MESD: variants seen among roughly 807,000 people sequenced by gnomAD.
The protein encoded by MESD is LRP chaperone MESD.
A neutral mutation model predicts 12.9 loss-of-function variants in MESD; 7 were observed. That is an observed-to-expected ratio of 0.54 (90% CI 0.31 to 1.02). MESD has a LOEUF of 1.02. Ranked by LOEUF, MESD falls within the 50% of genes least tolerant of loss-of-function variation. MESD has a pLI of 0.05. For missense variants in MESD, 342 were observed against 296.7 expected (o/e 1.15, Z -1.12); for synonymous variants, 126 against 115.6 (o/e 1.09, Z -0.58).
intron 3 of MESD, among the ~76,000 whole-genome samples, chr15:80,969,535 T>A (rs1902242199): frequency 6.6e-6 from 1 of 151,922 alleles, no homozygotes; most frequent in African/African-American, 2.4e-5. Context: ...GGTGTCAGTT[T>A]TGGAGTCTGC....
intron 2 of MESD, among the ~76,000 whole-genome samples, chr15:80,980,163 G>T (rs539114701): frequency 6.6e-6 from 1 of 152,282 alleles, no homozygotes; most frequent in South Asian, 2.1e-4. Context: ...ACTCCACAGA[G>T]ACCAGTGGGC....
In MESD at chr15:80,981,900, A is replaced by C; in HGVS notation, c.446+50T>G. On this transcript the variant is annotated intron_variant, in intron 2 of 2. Transcript: ENST00000261758. ...TCATAATTAATAATAATAATAAAGA[A>C]AAGACCGAGCACAGCCTATGAGTCT... 4 of 1,248,966 alleles carry C rather than the reference A, an allele frequency of 3.2e-6. No homozygotes were observed. The South Asian group carries it at 5.2e-5, about 16-fold the overall frequency. 77.4% of individuals were successfully genotyped at this position (1,248,966 alleles called of 1,614,324 possible).
At position 80,975,826 on chromosome 15, in the gene MESD, A is replaced by T. The variant is rs956284095; in HGVS notation, c.*3393T>A. 11 of 152,120 alleles carry T rather than the reference A, an allele frequency of 7.2e-5. No homozygotes were observed. Among genetic ancestry groups the T allele is most frequent in the African/African-American group, 2.2e-4 (9 of 41,398 alleles). 9.4% of individuals were successfully genotyped at this position (152,120 alleles called of 1,614,324 possible). A position where few individuals can be genotyped will look rare whatever the true frequency, so the allele number is the denominator to read the frequency against. On this transcript the variant is annotated 3_prime_UTR_variant, in exon 3 of 3. Coordinates refer to ENST00000261758, the MANE Select transcript of MESD (RefSeq NM_015154.3). The stretch of plus-strand genomic sequence containing the variant: ...AACAAACAAGACAAAAAGGAAGACA[A>T]ATTCATTAAAAACAGGACATTTCTC...
chr15:80,948,936 G>A (rs756897552), intron 4 of MESD: 41 of 1,614,008 alleles, frequency 2.5e-5, no homozygotes, highest in Middle Eastern at 1.6e-4. Context: ...GACAGCTGCC[G>A]CCCGGTGCCA....
exon 5 of MESD, chr15:80,948,670 C>A: frequency 7.9e-7 from 1 of 1,258,126 alleles, no homozygotes; most frequent in Non-Finnish European, 1.2e-6. Context: ...CCCAAGGGGC[C>A]ACAGTGCAGT....
At chr15:80,981,436 C>CAAA (rs58445538) in intron 2 of MESD, among the ~76,000 whole-genome samples, 7 of 48,402 alleles carry the variant, frequency 1.4e-4, no homozygotes, top group African/African-American at 2.0e-4. Context: ...GACTCCGTCT[C>CAAA]AAAAAAAAAA....
Position 80,970,068 on chromosome 15 carries a change from CAGAG to C in MESD, c.*288+8859_*288+8862del, listed in dbSNP as rs375936242. On this transcript the variant is annotated intron_variant, in intron 3 of 4. Coordinates refer to the MESD transcript ENST00000561312. ...AATCCCTTGGATTTCCAAGAGAATT[CAGAG>C]AGAGAGGTGTATGCAGATTTTCACA... is the stretch of plus-strand genomic sequence containing the variant. Among the ~76,000 whole-genome samples the C allele has an allele frequency of 2.3e-3, 347 of 152,184 alleles. 3 individuals are homozygous for C. Among genetic ancestry groups the C allele is most frequent in the African/African-American group, 7.9e-3 (327 of 41,496 alleles).
chr15:80,984,309 C>T (rs1382931667), intron 1 of MESD, among the ~76,000 whole-genome samples: 1 of 152,048 alleles, frequency 6.6e-6, no homozygotes, highest in East Asian at 1.9e-4. Flanking sequence ...TATGGTGGCT[C>T]ACAACTATAA....
intron 3 of MESD, among the ~76,000 whole-genome samples, chr15:80,955,351 C>T (rs962189854): frequency 6.7e-5 from 10 of 150,098 alleles, no homozygotes; most frequent in South Asian, 4.2e-4. Flanking sequence ...AATAGCCGGG[C>T]GCAGTGGCAG....
chr15:80,955,348 G>A (rs1015010718), intron 3 of MESD, among the ~76,000 whole-genome samples: 1 of 150,880 alleles, frequency 6.6e-6, no homozygotes, highest in Non-Finnish European at 1.5e-5. Flanking sequence ...AAAAATAGCC[G>A]GGCGCAGTGG....
exon 5 of MESD, chr15:80,948,730 T>A (rs1003096896): frequency 1.2e-6 from 2 of 1,609,428 alleles, no homozygotes; most frequent in Admixed American, 1.7e-5. Context: ...TGGGGAGCCA[T>A]GGAACGGGGT....
At chr15:80,962,054 CAA>C (rs1596226583) in intron 3 of MESD, among the ~76,000 whole-genome samples, 1 of 152,102 alleles carries the variant, frequency 6.6e-6, no homozygotes, top group South Asian at 2.1e-4. Flanking sequence ...GCAAATTGGA[CAA>C]AGAGTCAAGA....
chr15:80,958,776 T>A (rs887245443), intron 3 of MESD, among the ~76,000 whole-genome samples: 1 of 152,198 alleles, frequency 6.6e-6, no homozygotes, highest in African/African-American at 2.4e-5. Context: ...GTGATCAGGT[T>A]GGGAGCAGGA....
chr15:80,984,047 C>T (rs932901491), intron 1 of MESD, among the ~76,000 whole-genome samples: 3 of 151,716 alleles, frequency 2.0e-5, no homozygotes, highest in Non-Finnish European at 4.4e-5. Context: ...ATTATAGGCA[C>T]GCACCACCAC....
Position 80,989,569 on chromosome 15 carries a change from C to T in MESD, c.213+10G>A, listed in dbSNP as rs1279763966. 6.2e-7 allele frequency: 1 copy of T among 1,611,388 alleles called. No individual in the cohort carries two copies. The highest frequency in any genetic ancestry group is 1.3e-5 in the African/African-American group (1 of 74,884). On this transcript the variant is annotated intron_variant, in intron 1 of 2. Transcript: ENST00000261758. ...GAGAAGAGCCGGGAGGGTGTGCGCG[C>T]GCCGCGGACCTCCCATTGCTCCAGA...
intron 3 of MESD, among the ~76,000 whole-genome samples, chr15:80,968,403 G>A (rs1397562946): frequency 6.6e-6 from 1 of 152,232 alleles, no homozygotes; most frequent in Non-Finnish European, 1.5e-5. Flanking sequence ...CAGGCAGGAT[G>A]TTATCCTGCC....
intron 1 of MESD, among the ~76,000 whole-genome samples, chr15:80,987,573 C>A (rs188096427): frequency 9.9e-5 from 15 of 151,968 alleles, no homozygotes; most frequent in Admixed American, 7.9e-4. Context: ...ACTGCAACCT[C>A]CACCTCCCTG....
chr15:80,955,389 C>G (rs1490919035), intron 3 of MESD, among the ~76,000 whole-genome samples: 1 of 147,052 alleles, frequency 6.8e-6, no homozygotes, highest in African/African-American at 2.5e-5. Flanking sequence ...ATTCGGGAGG[C>G]TGAGGCAGGA....
At chr15:80,964,306 T>G (rs910045653) in intron 3 of MESD, among the ~76,000 whole-genome samples, 1 of 152,128 alleles carries the variant, frequency 6.6e-6, no homozygotes, top group Non-Finnish European at 1.5e-5. Flanking sequence ...TACAAACCAC[T>G]GCTCAATGAA....
Sources: allele counts gnomAD v4.1 joint callset (sites outside exome capture counted in the v4.1 genomes callset), GRCh38; gene constraint gnomAD v4.1.1; transcripts MANE v1.5; gene names NCBI Gene and HGNC (gene_info 2026-07-23, HGNC 2026-07-21).